The following SOS1 variants were observed in gnomAD, a reference collection of about 807,000 sequenced individuals.
SOS1 encodes son of sevenless homolog 1.
SOS1 carries 25 observed loss-of-function variants against 157.6 expected under a neutral mutation model. That is an observed-to-expected ratio of 0.16 (90% CI 0.12 to 0.22). SOS1 has a LOEUF of 0.22. Among genes scored for constraint, SOS1 ranks in the 10% least tolerant of loss-of-function variants. The probability of loss-of-function intolerance (pLI) is 1.00; values close to 1 mark genes in which losing one functional copy is unlikely to be tolerated. For synonymous variants in SOS1, 528 were observed against 534.0 expected (o/e 0.99, Z 0.16); for missense variants, 1,237 against 1,599.1 (o/e 0.77, Z 3.86).
At chr2:39,102,230 A>AAAG (rs1553370166) in intron 1 of SOS1, among the ~76,000 whole-genome samples, 2 of 142,860 alleles carry the variant, frequency 1.4e-5, no homozygotes, top group African/African-American at 5.4e-5. Flanking sequence ...AAAAAAAAAA[A>AAAG]GTGCCACTTT....
At chr2:39,019,135 A>G (rs1000115107) in intron 10 of SOS1, among the ~76,000 whole-genome samples, 2 of 151,772 alleles carry the variant, frequency 1.3e-5, no homozygotes, top group African/African-American at 4.8e-5. Flanking sequence ...TTTTTTCAAT[A>G]CCATCTTCTG....
intron 1 of SOS1, among the ~76,000 whole-genome samples, chr2:39,114,306 T>TTTC (rs1673561371): frequency 6.6e-6 from 1 of 151,062 alleles, no homozygotes. Flanking sequence ...TTCTTTTTTT[T>TTTC]TTTTCTTTTT....
intron 1 of SOS1, among the ~76,000 whole-genome samples, chr2:39,089,583 C>T (rs535770083): frequency 2.0e-5 from 3 of 151,266 alleles, no homozygotes; most frequent in Admixed American, 2.0e-4. Context: ...AAAAAGCTCC[C>T]AATGACCAAC....
At chr2:38,999,512 G>A (rs1241114203) in intron 17 of SOS1, among the ~76,000 whole-genome samples, 1 of 152,204 alleles carries the variant, frequency 6.6e-6, no homozygotes, top group Non-Finnish European at 1.5e-5. Context: ...AAGTGCATTA[G>A]TTACTTGGTT....
At chr2:39,026,498 T>C (rs1382986128) in intron 8 of SOS1, among the ~76,000 whole-genome samples, 1 of 152,210 alleles carries the variant, frequency 6.6e-6, no homozygotes, top group East Asian at 1.9e-4. Context: ...ATTCATAATA[T>C]TGTTCTTCAA....
upstream of SOS1, among the ~76,000 whole-genome samples, chr2:39,121,432 G>T (rs1376376959): frequency 6.6e-6 from 1 of 152,238 alleles, no homozygotes; most frequent in African/African-American, 2.4e-5. Flanking sequence ...AAAGACAGGT[G>T]CTCTGTCACG....
upstream of SOS1, among the ~76,000 whole-genome samples, chr2:39,122,779 C>G (rs983938632): frequency 4.0e-5 from 6 of 151,858 alleles, no homozygotes; most frequent in African/African-American, 1.5e-4. Context: ...CTCCTGACCT[C>G]GTCATCCACC....
chr2:39,102,204 C>CAAAAAAA (rs58865034), intron 1 of SOS1, among the ~76,000 whole-genome samples: 4,632 of 23,692 alleles, frequency 0.2, 1,816 homozygotes, highest in East Asian at 0.53. Flanking sequence ...GACTCTGTCT[C>CAAAAAAA]AAAAAAAAAA....
At chr2:39,088,608 C>T (rs1167273997) in intron 1 of SOS1, among the ~76,000 whole-genome samples, 2 of 152,162 alleles carry the variant, frequency 1.3e-5, no homozygotes, top group East Asian at 3.9e-4. Flanking sequence ...GCTTCTTTCA[C>T]TTAGTAAAAT....
At chr2:39,122,168 G>A (rs1673912132), upstream of SOS1, among the ~76,000 whole-genome samples, 1 of 152,178 alleles carries the variant, frequency 6.6e-6, no homozygotes, top group South Asian at 2.1e-4. Flanking sequence ...GGTGGCTCAT[G>A]CCTGTAATCC....
chr2:39,119,858 C>T (rs961775860), intron 1 of SOS1, among the ~76,000 whole-genome samples: 2 of 152,194 alleles, frequency 1.3e-5, no homozygotes, highest in Non-Finnish European at 2.9e-5. Context: ...TGACGGCGAG[C>T]AGAGCAGGCC....
chr2:39,123,390 C>T (rs975803202), upstream of SOS1, among the ~76,000 whole-genome samples: 1 of 148,744 alleles, frequency 6.7e-6, no homozygotes, highest in East Asian at 2.0e-4. Flanking sequence ...GACAGAGTCT[C>T]ATTTTGTTGC....
chr2:38,989,965 CTG>C (rs1668680491), intron 20 of SOS1, among the ~76,000 whole-genome samples: 1 of 151,830 alleles, frequency 6.6e-6, no homozygotes, highest in South Asian at 2.1e-4. Flanking sequence ...AAGGAAAAAA[CTG>C]AAAATCAAAA....
chr2:39,028,782 G>A (rs558639327), intron 8 of SOS1, among the ~76,000 whole-genome samples: 1 of 152,204 alleles, frequency 6.6e-6, no homozygotes, highest in East Asian at 1.9e-4. Context: ...TAAAAATAAA[G>A]ATCTCCATTT....
intron 5 of SOS1, among the ~76,000 whole-genome samples, chr2:39,052,238 T>C (rs1460039442): frequency 6.6e-6 from 1 of 152,182 alleles, no homozygotes; most frequent in Non-Finnish European, 1.5e-5. Flanking sequence ...TCTGCAACCA[T>C]ATCCATTTTG....
chr2:39,022,934 C>T lies in SOS1; in HGVS notation c.1494G>A (p.Lys498=), dbSNP rs199702458. 2.5e-6 allele frequency: 4 copies of T among 1,613,370 alleles called. No homozygotes were observed. Among genetic ancestry groups the T allele is most frequent in the Non-Finnish European group, 3.4e-6 (4 of 1,179,524 alleles). Residue 498 remains lysine, a synonymous_variant, in exon 10 of 23, where the codon AAG becomes AAA. Transcript: ENST00000402219. ...TGTCATCTTTATCATTAATTTGTAC[C>T]TTTCGCATAAAAAACTTTTCTTTAA... ...YRLKEKFFMR[K]VQINDKDDTN...
chr2:39,102,915 A>T (rs187143221), intron 1 of SOS1, among the ~76,000 whole-genome samples: 10 of 152,300 alleles, frequency 6.6e-5, no homozygotes, highest in Non-Finnish European at 1.0e-4. Context: ...TGATCACGCC[A>T]CTGCACTCCA....
chr2:39,058,160 G>A (rs1024690540), intron 3 of SOS1, among the ~76,000 whole-genome samples: 1 of 151,878 alleles, frequency 6.6e-6, no homozygotes, highest in Non-Finnish European at 1.5e-5. Flanking sequence ...AGCATTATTC[G>A]AGCTTCCGGC....
At chr2:38,993,492 A>G (rs1327685266) in intron 20 of SOS1, 1 of 152,208 alleles carries the variant, frequency 6.6e-6, no homozygotes. Context: ...AAAGACAACA[A>G]AGACTACTGG....
Sources: gnomAD v4.1 joint callset for allele counts (sites outside exome capture counted in the v4.1 genomes callset) on GRCh38, gnomAD v4.1.1 for gene constraint, MANE v1.5 for transcripts, NCBI Gene and HGNC (gene_info 2026-07-23, HGNC 2026-07-21) for gene names.